COL18A1: variants seen among roughly 807,000 people sequenced by gnomAD.
COL18A1 encodes collagen type XVIII alpha 1 chain.
COL18A1 carries 133 observed loss-of-function variants against 168.0 expected under a neutral mutation model. The ratio of observed to expected loss-of-function variants is 0.79; its 90% confidence interval spans 0.69 to 0.91. The LOEUF is 0.91. Ranked by LOEUF, COL18A1 falls within the 40% of genes least tolerant of loss-of-function variation. The pLI, the probability that COL18A1 is intolerant of heterozygous loss-of-function variation, is 0.00. For missense variants in COL18A1, 2,126 were observed against 1,925.4 expected, an observed-to-expected ratio of 1.10 and a Z score of -1.95; for synonymous variants, 949 against 809.0, an observed-to-expected ratio of 1.17 and a Z score of -2.94.
intron 2 of COL18A1, among the ~76,000 whole-genome samples, chr21:45,444,492 T>C (rs1315568901): frequency 6.6e-6 from 1 of 152,090 alleles, no homozygotes; most frequent in East Asian, 1.9e-4. Context: ...AAAATGCACA[T>C]GCCAGGATAG....
At position 45,493,510 on chromosome 21, in the gene COL18A1, G is replaced by A. The variant is rs749650299; in HGVS notation, c.2287G>A (p.Gly763Ser). The A allele has an allele frequency of 6.4e-7, 1 of 1,560,920 alleles. No individual in the cohort carries two copies. Among genetic ancestry groups the A allele is most frequent in the Non-Finnish European group, 8.7e-7 (1 of 1,153,488 alleles). Residue 763 changes from glycine (G) to serine (S), a missense_variant, in exon 26 of 42, where the codon GGT (glycine) becomes AGT (serine). Gly to Ser is a moderately conservative substitution (Grantham distance 56). Transcript: ENST00000651438. ...CCTCCTGCCATTCCAGGGTGAGAAG[G>A]GTGAACCGGGCAGCATCTTCAGCCC... ...RGSPGPKGEK[G>S]EPGSIFSPDG...
Position 45,511,239 on chromosome 21 carries a change from T to C in COL18A1, c.3809+13T>C. On this transcript the variant is annotated intron_variant, in intron 41 of 41. Coordinates refer to ENST00000651438, the MANE Select transcript of COL18A1 (RefSeq NM_001379500.1). ...GGCACCCCACCTGGTAGGTTCCCAG[T>C]GCCGTGTGAGCAGCTCTGAGAGCCC... is the stretch of plus-strand genomic sequence containing the variant. 6.9e-7 allele frequency: 1 copy of C among 1,440,802 alleles called. No homozygotes were observed. The highest frequency in any genetic ancestry group is 9.6e-7 in the Non-Finnish European group (1 of 1,040,020). The allele number at this position is 1,440,802 out of a possible 1,614,324, so 89.3% of individuals were successfully genotyped here.
chr21:45,495,106 A>C (rs555786348), intron 28 of COL18A1, 191 bp downstream of exon 28: 79 of 651,796 alleles, frequency 1.2e-4, no homozygotes, highest in Non-Finnish European at 2.1e-4. Context: ...ACGAGGGGCC[A>C]GTACCCAGGA....
intron 2 of COL18A1, among the ~76,000 whole-genome samples, chr21:45,462,695 G>A (rs1280062018): frequency 6.6e-6 from 1 of 152,144 alleles, no homozygotes; most frequent in Non-Finnish European, 1.5e-5. Context: ...GCATCTTTAA[G>A]ACAGTCATTT....
chr21:45,452,841 A>G (rs1211599015), intron 2 of COL18A1, among the ~76,000 whole-genome samples: 1 of 134,290 alleles, frequency 7.4e-6, no homozygotes, highest in Non-Finnish European at 1.6e-5. Context: ...ACATGTGTAA[A>G]CATGTATGTA....
chr21:45,412,006 C>T (rs909328831), intron 2 of COL18A1, among the ~76,000 whole-genome samples: 7 of 151,938 alleles, frequency 4.6e-5, no homozygotes, highest in Admixed American at 1.3e-4. Context: ...TCTCTGGGAA[C>T]GTGGCGTTCA....
chr21:45,502,232 T>A (rs187938521), intron 32 of COL18A1, among the ~76,000 whole-genome samples: 2 of 152,310 alleles, frequency 1.3e-5, no homozygotes, highest in East Asian at 3.9e-4. Context: ...AGCCACGTGC[T>A]CCAAAGCTTC....
intron 2 of COL18A1, 61 bp downstream of exon 2, chr21:45,405,534 T>C: frequency 1.9e-6 from 2 of 1,076,072 alleles, no homozygotes; most frequent in Non-Finnish European, 1.2e-6. Context: ...CCGCCCTGGC[T>C]GGGGTCCCCG....
At chr21:45,458,580 C>A (rs1457373234) in intron 2 of COL18A1, among the ~76,000 whole-genome samples, 2 of 152,182 alleles carry the variant, frequency 1.3e-5, no homozygotes, top group East Asian at 1.9e-4. Flanking sequence ...CGGAGCCACA[C>A]CCCACCTGGC....
At chr21:45,419,512 C>T (rs1416329547) in intron 2 of COL18A1, among the ~76,000 whole-genome samples, 1 of 152,064 alleles carries the variant, frequency 6.6e-6, no homozygotes, top group Non-Finnish European at 1.5e-5. Context: ...ACTGTTCGGG[C>T]CCTGGGGTGG....
At chr21:45,454,071 A>G (rs979127627) in intron 2 of COL18A1, among the ~76,000 whole-genome samples, 5 of 152,204 alleles carry the variant, frequency 3.3e-5, no homozygotes, top group Admixed American at 2.6e-4. Flanking sequence ...GTCAGTTTTC[A>G]AGCAAAGAGA....
At position 45,477,980 on chromosome 21, in the gene COL18A1, C is replaced by G; in HGVS notation, c.1221+15C>G. Reference sequence around the variant, plus strand: ...ACGGCGAGCCGGTGAGTCCTCACGTCCCCCCGAGTCCGGCCCGGTCTGGAG... The same window carrying G: ...ACGGCGAGCCGGTGAGTCCTCACGTGCCCCCGAGTCCGGCCCGGTCTGGAG... On this transcript the variant is annotated intron_variant, in intron 8 of 41. Coordinates refer to ENST00000651438, the MANE Select transcript of COL18A1 (RefSeq NM_001379500.1). 7.5e-7 allele frequency: 1 copy of G among 1,332,044 alleles called. No homozygotes were observed. Among genetic ancestry groups the G allele is most frequent in the Non-Finnish European group, 1.0e-6 (1 of 953,792 alleles). 82.5% of individuals were successfully genotyped at this position (1,332,044 alleles called of 1,614,324 possible).
rs747683284 is a variant in COL18A1 at position 45,437,924 on chromosome 21, GCA to G, written c.107-30302_107-30301del. 6.5e-3 allele frequency among the ~76,000 whole-genome samples: 244 copies of G among 37,614 alleles called. 12 individuals carry two copies. The highest frequency in any genetic ancestry group is 0.056 in the Middle Eastern group (2 of 36). The allele number at this position is 37,614 out of a possible 152,430, so 24.7% of individuals were successfully genotyped here. A position where few individuals can be genotyped will look rare whatever the true frequency, so the allele number is the denominator to read the frequency against. The stretch of plus-strand genomic sequence containing the variant: ...CTCACTCAGACACAGGCACTCTCCT[GCA>G]CACACACACACACACTCAGACACAC... On this transcript the variant is annotated intron_variant, in intron 2 of 41. Transcript: ENST00000651438.
chr21:45,479,584 C>T, intron 9 of COL18A1, among the ~76,000 whole-genome samples: 1 of 150,616 alleles, frequency 6.6e-6, no homozygotes, highest in East Asian at 1.9e-4. Context: ...ACACTCCTCA[C>T]ACACACACCA....
chr21:45,496,669 G>T, intron 30 of COL18A1, 101 bp downstream of exon 30: 1 of 771,356 alleles, frequency 1.3e-6, no homozygotes, highest in Admixed American at 1.7e-5. Flanking sequence ...TCTGCGTCTG[G>T]GGGTCCTTCT....
intron 2 of COL18A1, among the ~76,000 whole-genome samples, chr21:45,413,761 T>G (rs979615081): frequency 1.0e-5 from 1 of 97,064 alleles, no homozygotes; most frequent in East Asian, 3.9e-4. Flanking sequence ...CCGCCAGCCA[T>G]GCCCAGCACT....
Position 45,479,913 on chromosome 21 carries a change from G to T in COL18A1, c.1260G>T (p.Gly420=). ...ATGTTGTGTTCCAGGGCGACACCGGGCCACAAGGCTTCCCCGGGACTCCAG... is the reference window on the plus strand; with the variant it reads ...ATGTTGTGTTCCAGGGCGACACCGGTCCACAAGGCTTCCCCGGGACTCCAG... ...PGEDGKPGDT[G]PQGFPGTPGD... Residue 420 remains glycine (G), a synonymous_variant, in exon 10 of 42, where the codon GGG becomes GGT. Coordinates refer to ENST00000651438, the MANE Select transcript of COL18A1 (RefSeq NM_001379500.1). The T allele has an allele frequency of 6.2e-7, 1 of 1,613,762 alleles. No homozygotes were observed.
chr21:45,509,546 G>A lies in COL18A1; in HGVS notation c.3440G>A (p.Arg1147Gln), dbSNP rs762630499. ...CACCACAGCTCCTACGTGCACCTGC[G>A]GCCGGCGCGACCCACAAGCCCACCC... The part of the protein sequence containing the change: ...APHHSSYVHL[R>Q]PARPTSPPAH... The change falls in exon 39 of 42, where the codon CGG becomes CAG. Residue 1147 changes from arginine (R) to glutamine (Q), a missense_variant. Physicochemically the swap from Arg to Gln is conservative, Grantham distance 43 (BLOSUM62 1). Transcript: ENST00000651438. 2.5e-5 allele frequency: 38 copies of A among 1,536,990 alleles called. No homozygotes were observed. Among genetic ancestry groups the A allele is most frequent in the East Asian group, 7.3e-5 (3 of 41,346 alleles).
intron 38 of COL18A1, among the ~76,000 whole-genome samples, chr21:45,508,224 G>A (rs2037346954): frequency 6.7e-6 from 1 of 149,234 alleles, no homozygotes; most frequent in African/African-American, 2.5e-5. Flanking sequence ...ATGGGTGGGT[G>A]GATAGTGGGT....
Sources: allele counts gnomAD v4.1 joint callset (sites outside exome capture counted in the v4.1 genomes callset), GRCh38; gene constraint gnomAD v4.1.1; transcripts MANE v1.5; gene names NCBI Gene and HGNC (gene_info 2026-07-23, HGNC 2026-07-21).